KALRN: variants seen among roughly 807,000 people sequenced by gnomAD.
KALRN encodes the protein kalirin.
Under a neutral mutation model 353.7 loss-of-function variants are expected in KALRN, and 70 were observed. The ratio of observed to expected loss-of-function variants is 0.20; its 90% CI spans 0.16 to 0.24. The LOEUF is 0.24. Among genes scored for constraint, KALRN ranks in the 10% least tolerant of loss-of-function variants. The probability of loss-of-function intolerance (pLI) is 1.00; values close to 1 mark genes in which losing one functional copy is unlikely to be tolerated. For synonymous variants in KALRN, 1,391 were observed against 1,434.8 expected, an observed-to-expected ratio of 0.97 and a Z score of 0.69; for missense variants, 2,791 against 3,756.7, an observed-to-expected ratio of 0.74 and a Z score of 6.72.
intron 33 of KALRN, chr3:124,519,529 G>A: frequency 1.0e-6 from 1 of 985,386 alleles, no homozygotes; most frequent in Non-Finnish European, 1.2e-6. Context: ...AGGTCCTGAA[G>A]TTGGGCTTAT....
chr3:124,485,871 C>A (rs539982307), intron 28 of KALRN, among the ~76,000 whole-genome samples: 1 of 152,200 alleles, frequency 6.6e-6, no homozygotes, highest in South Asian at 2.1e-4. Flanking sequence ...TAGAGCGAGA[C>A]TCTGTCTCAA....
At chr3:124,423,026 G>A in intron 15 of KALRN, 48 bp downstream of exon 15, 2 of 1,593,236 alleles carry the variant, frequency 1.3e-6, no homozygotes, top group Non-Finnish European at 1.7e-6. Context: ...AGCCAGCTGA[G>A]CCTGACCTGG....
chr3:124,356,130 G>C (rs984502210), intron 10 of KALRN, among the ~76,000 whole-genome samples: 1 of 151,772 alleles, frequency 6.6e-6, no homozygotes, highest in East Asian at 1.9e-4. Flanking sequence ...TGATAGAGGA[G>C]TTTATATTTG....
At chr3:124,554,501 C>T (rs1358133933) in intron 33 of KALRN, among the ~76,000 whole-genome samples, 1 of 152,130 alleles carries the variant, frequency 6.6e-6, no homozygotes, top group Non-Finnish European at 1.5e-5. Context: ...CTTCTGAGAG[C>T]TCTTTCTCAC....
intron 45 of KALRN, among the ~76,000 whole-genome samples, chr3:124,662,190 A>ATTCTTT (rs2084965045): frequency 8.0e-6 from 1 of 125,256 alleles, no homozygotes. Flanking sequence ...AAGACCCAGA[A>ATTCTTT]TTCTTTTTTT....
rs2079560111 is a variant in KALRN, at chr3:124,234,818, C to T, written c.149-11C>T. 1 of 1,577,154 alleles carries T rather than the reference C, an allele frequency of 6.3e-7. No homozygotes were observed. On this transcript the variant is annotated splice_polypyrimidine_tract_variant and intron_variant, in intron 2 of 59. Coordinates refer to ENST00000682506, the MANE Select transcript of KALRN (RefSeq NM_001388419.1). ...TTTTCTTAAACACTCTTCTCTTCCT[C>T]CTTCTTGCAGGGGGTCGTGATAAGC...
intron 1 of KALRN, among the ~76,000 whole-genome samples, chr3:124,227,142 C>A (rs2148482223): frequency 6.6e-6 from 1 of 152,316 alleles, no homozygotes; most frequent in South Asian, 2.1e-4. Flanking sequence ...CCTCCTGAGG[C>A]TACTGTTCCT....
chr3:124,488,936 T>G (rs1391152954), intron 29 of KALRN: 1 of 152,274 alleles, frequency 6.6e-6, no homozygotes, highest in East Asian at 1.9e-4. Flanking sequence ...CAGATGAAGC[T>G]ATCTTCTTGG....
At chr3:124,150,500 A>T (rs1227276802) in intron 1 of KALRN, among the ~76,000 whole-genome samples, 1 of 152,166 alleles carries the variant, frequency 6.6e-6, no homozygotes, top group Non-Finnish European at 1.5e-5. Context: ...CTCGTCATTT[A>T]CATTAGGTAT....
chr3:124,508,781 T>C (rs1485743683), intron 33 of KALRN, among the ~76,000 whole-genome samples: 1 of 152,228 alleles, frequency 6.6e-6, no homozygotes, highest in Non-Finnish European at 1.5e-5. Flanking sequence ...CCAATATATA[T>C]GAAGTTTTCC....
chr3:124,106,596 G>A (rs2062334868), intron 1 of KALRN, among the ~76,000 whole-genome samples: 1 of 152,120 alleles, frequency 6.6e-6, no homozygotes, highest in African/African-American at 2.4e-5. Context: ...TCTATATAAA[G>A]CCTTGTGCTG....
intron 6 of KALRN, among the ~76,000 whole-genome samples, chr3:124,313,679 T>C (rs530858806): frequency 6.6e-6 from 1 of 152,180 alleles, no homozygotes; most frequent in Admixed American, 6.5e-5. Context: ...GGGAAGCTTT[T>C]TAAAAATGCC....
In KALRN at chr3:124,332,651, G is replaced by C. The variant is rs1414030515; in HGVS notation, c.1417-1614G>C. Reference sequence around the variant, plus strand: ...GATTGTGCCAGAACTCCAATGAGAAGAATGGCAGAGAGTGTCATCCCACTT... The same window carrying C: ...GATTGTGCCAGAACTCCAATGAGAACAATGGCAGAGAGTGTCATCCCACTT... On this transcript the variant is annotated intron_variant, in intron 8 of 59. Coordinates refer to ENST00000682506, the MANE Select transcript of KALRN (RefSeq NM_001388419.1). Among the ~76,000 whole-genome samples the C allele has an allele frequency of 3.3e-5, 5 of 152,100 alleles. No individual in the cohort carries two copies. In the East Asian group the frequency reaches 9.7e-4, roughly 29 times the overall value.
chr3:124,632,742 C>A, intron 35 of KALRN, 39 bp downstream of exon 35: 1 of 1,580,870 alleles, frequency 6.3e-7, no homozygotes. Flanking sequence ...ATCAGGAGGG[C>A]CTTCTGACAT....
At chr3:124,428,069 A>T (rs1276173602) in intron 15 of KALRN, among the ~76,000 whole-genome samples, 1 of 152,196 alleles carries the variant, frequency 6.6e-6, no homozygotes, top group Non-Finnish European at 1.5e-5. Flanking sequence ...TTCTCATTTT[A>T]ATTATGATGT....
intron 33 of KALRN, among the ~76,000 whole-genome samples, chr3:124,554,297 G>A (rs1316683510): frequency 6.6e-6 from 1 of 152,226 alleles, no homozygotes; most frequent in Non-Finnish European, 1.5e-5. Flanking sequence ...GGAGGTTTGA[G>A]AAGCCCCTGT....
intron 1 of KALRN, among the ~76,000 whole-genome samples, chr3:124,141,073 G>GC (rs943361699): frequency 2.6e-5 from 4 of 152,044 alleles, no homozygotes; most frequent in African/African-American, 9.7e-5. Context: ...GCCTTCTTCA[G>GC]CCCCCCAGTC....
intron 33 of KALRN, chr3:124,562,611 A>G (rs2072199798): frequency 2.9e-6 from 1 of 339,490 alleles, no homozygotes; most frequent in African/African-American, 2.2e-5. Context: ...GTGATTGAAT[A>G]GCACTGTGCT....
intron 3 of KALRN, among the ~76,000 whole-genome samples, chr3:124,240,191 C>T (rs1226107081): frequency 1.3e-5 from 2 of 152,196 alleles, no homozygotes; most frequent in East Asian, 3.8e-4. Flanking sequence ...CATAAAGCCA[C>T]AGTAGTAACT....
Sources: gnomAD v4.1 joint callset for allele counts (sites outside exome capture counted in the v4.1 genomes callset) on GRCh38, gnomAD v4.1.1 for gene constraint, MANE v1.5 for transcripts, NCBI Gene and HGNC (gene_info 2026-07-23, HGNC 2026-07-21) for gene names.